The following ADAM12 variants were observed in gnomAD, a reference collection of about 807,000 sequenced individuals.
ADAM12 encodes disintegrin and metalloproteinase domain-containing protein 12.
In ADAM12, 70 loss-of-function variants were observed where a neutral mutation model predicts 106.4. The ratio of observed to expected loss-of-function variants is 0.66; its 90% CI spans 0.54 to 0.80. The LOEUF is 0.80. Among genes scored for constraint, ADAM12 ranks in the 30% least tolerant of loss-of-function variants. The pLI is 0.00. For missense variants in ADAM12, 1,010 were observed against 1,171.9 expected (o/e 0.86, Z 2.02); for synonymous variants, 420 against 433.5 (o/e 0.97, Z 0.39).
At chr10:126,282,447 G>C (rs1959629010) in intron 2 of ADAM12, among the ~76,000 whole-genome samples, 4 of 152,140 alleles carry the variant, frequency 2.6e-5, no homozygotes, top group Admixed American at 2.6e-4. Context: ...CCATTATGCT[G>C]AAGTTTCTAT....
At chr10:126,150,657 G>A (rs748866520) in intron 4 of ADAM12, among the ~76,000 whole-genome samples, 6 of 152,074 alleles carry the variant, frequency 3.9e-5, no homozygotes, top group Non-Finnish European at 5.9e-5. Flanking sequence ...GCCCAGTTCT[G>A]TAGGCAAAAT....
chr10:126,323,326 C>T (rs142549241), intron 2 of ADAM12, among the ~76,000 whole-genome samples: 351 of 152,264 alleles, frequency 2.3e-3, no homozygotes, highest in African/African-American at 7.8e-3. Context: ...CTATGTCAAC[C>T]CACCCATGTA....
At chr10:126,275,971 A>G (rs1019588401) in intron 3 of ADAM12, among the ~76,000 whole-genome samples, 4 of 152,192 alleles carry the variant, frequency 2.6e-5, no homozygotes, top group African/African-American at 9.6e-5. Flanking sequence ...AACTATTTTC[A>G]TTTTTTAGAA....
At chr10:126,044,033 A>G (rs747091642) in intron 17 of ADAM12, among the ~76,000 whole-genome samples, 2 of 152,224 alleles carry the variant, frequency 1.3e-5, no homozygotes, top group Non-Finnish European at 2.9e-5. Flanking sequence ...AAGCCTGTCC[A>G]TGCTGGTTGG....
At chr10:126,232,455 A>G (rs1309274051) in intron 3 of ADAM12, among the ~76,000 whole-genome samples, 1 of 152,214 alleles carries the variant, frequency 6.6e-6, no homozygotes, top group African/African-American at 2.4e-5. Flanking sequence ...GACCTCCAGA[A>G]TGGTATGACA....
chr10:126,290,158 C>T (rs1388300443), intron 2 of ADAM12, among the ~76,000 whole-genome samples: 2 of 152,190 alleles, frequency 1.3e-5, no homozygotes, highest in Non-Finnish European at 2.9e-5. Flanking sequence ...AACCTGGTGT[C>T]TCCAGAAGCT....
chr10:126,357,965 G>C (rs1855599279), intron 1 of ADAM12, among the ~76,000 whole-genome samples: 1 of 152,108 alleles, frequency 6.6e-6, no homozygotes, highest in Non-Finnish European at 1.5e-5. Flanking sequence ...AAATTGAAGA[G>C]GAAAGATTAC....
intron 1 of ADAM12, among the ~76,000 whole-genome samples, chr10:126,368,345 T>C (rs954211844): frequency 2.1e-5 from 3 of 142,828 alleles, no homozygotes; most frequent in East Asian, 2.0e-4. Context: ...CCAGCTTAGA[T>C]TGTGTGATTT....
At chr10:126,272,086 T>A (rs1314630400) in intron 3 of ADAM12, among the ~76,000 whole-genome samples, 1 of 152,208 alleles carries the variant, frequency 6.6e-6, no homozygotes, top group Non-Finnish European at 1.5e-5. Flanking sequence ...ATTGGCCCCA[T>A]ACCTTCCCCT....
intron 6 of ADAM12, among the ~76,000 whole-genome samples, chr10:126,111,736 C>T (rs926107215): frequency 6.6e-6 from 1 of 152,182 alleles, no homozygotes; most frequent in Non-Finnish European, 1.5e-5. Flanking sequence ...TCTACATTTT[C>T]TCATGAATTC....
chr10:126,152,063 A>G (rs1956738020), intron 4 of ADAM12, among the ~76,000 whole-genome samples: 1 of 150,804 alleles, frequency 6.6e-6, no homozygotes, highest in African/African-American at 2.4e-5. Context: ...CATTTAAAAA[A>G]TCTTCATTTC....
At chr10:126,384,339 A>C (rs1161395787) in intron 1 of ADAM12, among the ~76,000 whole-genome samples, 9 of 152,200 alleles carry the variant, frequency 5.9e-5, no homozygotes, top group Non-Finnish European at 1.3e-4. Flanking sequence ...TTATCAAAAA[A>C]AGTTGTATCT....
At chr10:126,194,791 C>T (rs1168035230) in intron 3 of ADAM12, among the ~76,000 whole-genome samples, 2 of 152,160 alleles carry the variant, frequency 1.3e-5, no homozygotes, top group Non-Finnish European at 2.9e-5. Context: ...CTGTATTTGC[C>T]TGTAATCGTA....
intron 1 of ADAM12, among the ~76,000 whole-genome samples, chr10:126,361,878 AT>A (rs993472586): frequency 5.3e-5 from 8 of 151,610 alleles, no homozygotes; most frequent in East Asian, 1.9e-4. Context: ...TCTATAGGCA[AT>A]TTTTTTTTAG....
At chr10:126,158,762 G>A (rs1311794254) in intron 3 of ADAM12, among the ~76,000 whole-genome samples, 3 of 149,144 alleles carry the variant, frequency 2.0e-5, no homozygotes, top group African/African-American at 5.0e-5. Context: ...CACAGAGCAC[G>A]GGTGGGAGGA....
At chr10:126,114,458 G>A (rs191536988) in intron 6 of ADAM12, among the ~76,000 whole-genome samples, 3 of 152,156 alleles carry the variant, frequency 2.0e-5, no homozygotes, top group Non-Finnish European at 2.9e-5. Context: ...GTGCTGCCCC[G>A]TTCCCCACCA....
intron 21 of ADAM12, among the ~76,000 whole-genome samples, chr10:126,027,160 C>CT (rs1400623334): frequency 6.6e-6 from 1 of 152,086 alleles, no homozygotes; most frequent in African/African-American, 2.4e-5. Flanking sequence ...CATACAGTCT[C>CT]TGAGACTGAA....
chr10:126,331,429 C>T (rs987681225), intron 1 of ADAM12, among the ~76,000 whole-genome samples: 3 of 152,164 alleles, frequency 2.0e-5, no homozygotes, highest in Non-Finnish European at 1.5e-5. Flanking sequence ...ATTTATTGGG[C>T]ACAAATGGTA....
At position 126,190,989 on chromosome 10, in the gene ADAM12, CCTTTTTTT is replaced by C. The variant is rs1202526443; in HGVS notation, c.261-35692_261-35685del. Among the ~76,000 whole-genome samples, 94 of 68,728 alleles carry C rather than the reference CCTTTTTTT, an allele frequency of 1.4e-3. 13 individuals carry two copies. The highest frequency in any genetic ancestry group is 5.0e-3 in the South Asian group (9 of 1,808). 45.1% of individuals were successfully genotyped at this position (68,728 alleles called of 152,430 possible). On this transcript the variant is annotated intron_variant, in intron 3 of 22. Coordinates refer to ENST00000448723, the MANE Select transcript of ADAM12 (RefSeq NM_001288973.2). ...TTTGAGTTGCCATGAGGAGTTTTGT[CCTTTTTTT>C]TTTTTTTTTTTTTTTTTTTTTTCAG...
Sources: allele counts gnomAD v4.1 joint callset (sites outside exome capture counted in the v4.1 genomes callset), GRCh38; gene constraint gnomAD v4.1.1; transcripts MANE v1.5; gene names NCBI Gene and HGNC (gene_info 2026-07-23, HGNC 2026-07-21).